Variants in CEACAM1 observed in about 807,000 individuals in gnomAD.
CEACAM1 encodes the protein cell adhesion molecule CEACAM1.
CEACAM1 carries 31 observed loss-of-function variants against 49.1 expected under a neutral mutation model. The observed-to-expected ratio is 0.63, with a 90% CI of 0.47 to 0.85. The LOEUF is 0.85. Among genes scored for constraint, CEACAM1 ranks in the 40% least tolerant of loss-of-function variants. CEACAM1 has a pLI of 0.00. For missense variants in CEACAM1, 570 were observed against 645.3 expected, an observed-to-expected ratio of 0.88 and a Z score of 1.26; for synonymous variants, 244 against 247.8, an observed-to-expected ratio of 0.98 and a Z score of 0.14.
chr19:42,522,335 C>T (rs2041773661), intron 2 of CEACAM1, 133 bp from the exon 3 acceptor site: 3 of 1,453,118 alleles, frequency 2.1e-6, no homozygotes, highest in Non-Finnish European at 2.7e-6. Flanking sequence ...AGTGCAATGG[C>T]ACGATCTCGG....
chr19:42,516,570 A>G (rs1167170150), intron 5 of CEACAM1, among the ~76,000 whole-genome samples: 1 of 152,206 alleles, frequency 6.6e-6, no homozygotes, highest in African/African-American at 2.4e-5. Context: ...TGACAGTACT[A>G]CCCAAAGTGA....
rs774427095 is a variant in CEACAM1 at position 42,521,356 on chromosome 19, G to A, written c.869C>T (p.Thr290Ile). Residue 290 changes from threonine to isoleucine, a missense_variant, in exon 4 of 9, where the codon ACT becomes ATT. Physicochemically the swap from Thr to Ile is moderately conservative, Grantham distance 89. Coordinates refer to ENST00000161559, the MANE Select transcript of CEACAM1 (RefSeq NM_001712.5). ...STQELFIPNI[T>I]VNNSGSYTCH... Reference sequence around the variant, plus strand: ...GGTATAGGATCCACTATTATTCACAGTGATGTTAGGGATAAAGAGCTCTTG... The same window carrying A: ...GGTATAGGATCCACTATTATTCACAATGATGTTAGGGATAAAGAGCTCTTG... The A allele has an allele frequency of 6.2e-7, 1 of 1,614,212 alleles. No individual in the cohort carries two copies. The highest frequency in any genetic ancestry group is 2.2e-5 in the East Asian group (1 of 44,886).
At position 42,527,236 on chromosome 19, in the gene CEACAM1, G is replaced by C; in HGVS notation, c.229C>G (p.Arg77Gly). ...WYKGERVDGN[R>G]QIVGYAIGTQ... ...CCTATTGCATATCCTACAATTTGAC[G>C]GTTGCCATCCACTCTTTCCCCTTTG... Residue 77 changes from arginine (R) to glycine (G), a missense_variant, in exon 2 of 9, where the codon CGT (arginine) becomes GGT (glycine). By Grantham distance (125) the Arg-to-Gly change is moderately radical. Transcript: ENST00000161559. 1.2e-6 allele frequency: 2 copies of C among 1,613,940 alleles called. No individual in the cohort carries two copies. The highest frequency in any genetic ancestry group is 1.7e-6 in the Non-Finnish European group (2 of 1,179,954).
chr19:42,521,580 G>T, intron 3 of CEACAM1, 59 bp from the exon 4 acceptor site: 2 of 1,580,930 alleles, frequency 1.3e-6, no homozygotes, highest in Non-Finnish European at 8.6e-7. Flanking sequence ...GAAGCTGCTG[G>T]TCTGGAGAAG....
chr19:42,509,717 C>T (rs41334249), intron 8 of CEACAM1, among the ~76,000 whole-genome samples: 91 of 152,110 alleles, frequency 6.0e-4, no homozygotes, highest in African/African-American at 2.0e-3. Flanking sequence ...AGCTCTGCCT[C>T]CCGGGTTCAA....
rs1474756170 is a variant in CEACAM1 at position 42,521,296 on chromosome 19, C to G, written c.929G>C (p.Arg310Thr). ...HANNSVTGCNRTTVKTIIVTE... is the reference protein window; with the variant it reads ...HANNSVTGCNTTTVKTIIVTE... Reference sequence around the variant, plus strand: ...GACTATGATCGTCTTGACTGTGGTCCTGTTGCAGCCAGTGACTGAGTTATT... The same window carrying G: ...GACTATGATCGTCTTGACTGTGGTCGTGTTGCAGCCAGTGACTGAGTTATT... The change falls in exon 4 of 9, where the codon AGG becomes ACG. Residue 310 changes from arginine (R) to threonine (T), a missense_variant. By Grantham distance (71) the Arg-to-Thr change is moderately conservative. Transcript: ENST00000161559. 1.9e-6 allele frequency: 3 copies of G among 1,614,096 alleles called. No homozygotes were observed. In the African/African-American group the frequency reaches 4.0e-5, roughly 22 times the overall value.
intron 8 of CEACAM1, 27 bp from the exon 9 acceptor site, chr19:42,509,255 A>T (rs368489991): frequency 1.9e-5 from 30 of 1,587,522 alleles, no homozygotes; most frequent in Non-Finnish European, 2.4e-5. Context: ...ATGATCAGTT[A>T]AGTCAGTGAC....
rs41332546 is a variant in CEACAM1, at chr19:42,527,430, ATTGGGACCTATGCAT to A, written c.65-45_65-31del. The A allele has an allele frequency of 1.1e-3, 1,747 of 1,558,714 alleles. 21 individuals are homozygous for A. In the African/African-American group the frequency reaches 0.022, roughly 19 times the overall value. On this transcript the variant is annotated intron_variant, in intron 1 of 8. Coordinates refer to ENST00000161559, the MANE Select transcript of CEACAM1 (RefSeq NM_001712.5). ...GAGAGAGGAGAGAGCATCAGTCAAT[ATTGGGACCTATGCAT>A]TAGGGTAGAAAAATGGGGCCTTGGG... is the stretch of plus-strand genomic sequence containing the variant.
chr19:42,513,346 C>T (rs1485673531), intron 5 of CEACAM1, among the ~76,000 whole-genome samples: 1 of 152,154 alleles, frequency 6.6e-6, no homozygotes, highest in Non-Finnish European at 1.5e-5. Context: ...CGCCTGTAAT[C>T]CCAGAACTTT....
intron 2 of CEACAM1, among the ~76,000 whole-genome samples, chr19:42,526,211 C>T (rs915587677): frequency 6.6e-6 from 1 of 152,166 alleles, no homozygotes; most frequent in African/African-American, 2.4e-5. Context: ...CCACCTCGGC[C>T]TCCCAAAGTA....
intron 1 of CEACAM1, 146 bp from the exon 2 acceptor site, chr19:42,527,546 T>TCC: frequency 1.9e-6 from 2 of 1,068,060 alleles, no homozygotes; most frequent in Non-Finnish European, 1.3e-6. Context: ...TGTGTGTGTG[T>TCC]GTCCTACTGG....
intron 5 of CEACAM1, among the ~76,000 whole-genome samples, chr19:42,513,367 G>C (rs935885980): frequency 2.0e-5 from 3 of 152,142 alleles, no homozygotes; most frequent in African/African-American, 7.2e-5. Context: ...GGGAGGCTGA[G>C]GCGGGTGGAT....
intron 3 of CEACAM1, 99 bp downstream of exon 3, chr19:42,521,825 G>C: frequency 1.3e-6 from 2 of 1,598,500 alleles, no homozygotes; most frequent in Non-Finnish European, 1.7e-6. Context: ...AGGGTTAAGG[G>C]TCTGCGTCCT....
intron 5 of CEACAM1, among the ~76,000 whole-genome samples, chr19:42,518,035 C>T (rs779062029): frequency 5.9e-4 from 90 of 152,210 alleles, no homozygotes; most frequent in Non-Finnish European, 9.6e-4. Flanking sequence ...CATTCTACAA[C>T]ATAGATGGAG....
chr19:42,511,676 T>C (rs745734417), intron 6 of CEACAM1, 48 bp from the exon 7 acceptor site: 2 of 1,580,628 alleles, frequency 1.3e-6, no homozygotes, highest in Non-Finnish European at 1.7e-6. Flanking sequence ...GCACAGGATC[T>C]TTGTTCCGTA....
At chr19:42,527,935 A>G (rs1015591520) in intron 1 of CEACAM1, 6 of 236,628 alleles carry the variant, frequency 2.5e-5, no homozygotes, top group Non-Finnish European at 4.9e-5. Flanking sequence ...GAGCATTCCC[A>G]GGGCTCTTCA....
chr19:42,516,637 G>T lies in CEACAM1; in HGVS notation c.1246+2311C>A, dbSNP rs1341788787. ...TCCAGTAATATTTTTTGCAGAAATA[G>T]AAAAATTCATTCTAAAATTTATATA... On this transcript the variant is annotated intron_variant, in intron 5 of 8. Transcript: ENST00000161559. 1.9e-5 allele frequency: 3 copies of T among 161,650 alleles called. No individual in the cohort carries two copies. The East Asian group carries it at 5.7e-4, about 31-fold the overall frequency. The allele number at this position is 161,650 out of a possible 1,614,324, so 10.0% of individuals were successfully genotyped here.
At chr19:42,514,931 T>A in intron 5 of CEACAM1, 1 of 598,952 alleles carries the variant, frequency 1.7e-6, no homozygotes, top group Non-Finnish European at 3.0e-6. Context: ...ATTTCCTCTG[T>A]GTGTGGTGTT....
At chr19:42,511,251 G>T (rs563726306) in intron 7 of CEACAM1, 1 of 567,736 alleles carries the variant, frequency 1.8e-6, no homozygotes, top group Non-Finnish European at 3.1e-6. Flanking sequence ...GATAAGGAAA[G>T]TCTCACCAAG....
Sources: gnomAD v4.1 joint callset for allele counts (sites outside exome capture counted in the v4.1 genomes callset) on GRCh38, gnomAD v4.1.1 for gene constraint, MANE v1.5 for transcripts, NCBI Gene and HGNC (gene_info 2026-07-23, HGNC 2026-07-21) for gene names.